ZNF462: variants seen among roughly 807,000 people sequenced by gnomAD.
The protein encoded by ZNF462 is zinc finger protein 462, also known as zinc finger PBX1-interacting protein.
Under a neutral mutation model 201.9 loss-of-function variants are expected in ZNF462, and 10 were observed. The ratio of observed to expected loss-of-function variants is 0.05; its 90% CI spans 0.03 to 0.08. The LOEUF (loss-of-function observed/expected upper bound fraction) is 0.08, where lower values mean the gene tolerates loss of function less well. Ranked by LOEUF, ZNF462 falls within the 10% of genes least tolerant of loss-of-function variation. The pLI is 1.00. For missense variants in ZNF462, 2,523 were observed against 3,168.3 expected, an observed-to-expected ratio of 0.80 and a Z score of 4.89; for synonymous variants, 1,227 against 1,193.3, an observed-to-expected ratio of 1.03 and a Z score of -0.58.
rs1048497661 is a variant in ZNF462, at chr9:107,010,721, A to G, written c.7314-102A>G. ...AAGGAAACCCCAAGGCTTTTTGAGG[A>G]TCAGGAAAATAAAGACACTCGAGGG... On this transcript the variant is annotated intron_variant, in intron 12 of 12. Coordinates refer to ENST00000277225, the MANE Select transcript of ZNF462 (RefSeq NM_021224.6). The surrounding 1 kb of genome is among the most constrained non-coding windows in gnomAD (Gnocchi z 4.6). 8.5e-7 allele frequency: 1 copy of G among 1,175,244 alleles called. No homozygotes were observed. The highest frequency in any genetic ancestry group is 1.2e-6 in the Non-Finnish European group (1 of 860,262). The allele number at this position is 1,175,244 out of a possible 1,614,324, so 72.8% of individuals were successfully genotyped here. A position where few individuals can be genotyped will look rare whatever the true frequency, so the allele number is the denominator to read the frequency against.
chr9:106,980,045 G>T (rs1169027298), intron 9 of ZNF462, among the ~76,000 whole-genome samples: 1 of 152,136 alleles, frequency 6.6e-6, no homozygotes, highest in Non-Finnish European at 1.5e-5. Context: ...CAGTGAGATT[G>T]CCAATCTTTA....
chr9:106,899,989 C>G (rs139091068), intron 1 of ZNF462, among the ~76,000 whole-genome samples: 14 of 138,698 alleles, frequency 1.0e-4, no homozygotes, highest in Non-Finnish European at 2.0e-4. Context: ...TATCTCTTGC[C>G]CCCCTCCCAC....
At chr9:106,941,751 T>A (rs1171242851) in intron 7 of ZNF462, among the ~76,000 whole-genome samples, 1 of 152,228 alleles carries the variant, frequency 6.6e-6, no homozygotes, top group Non-Finnish European at 1.5e-5. Flanking sequence ...TAATAATTGT[T>A]CATTCAGTAA....
intron 1 of ZNF462, among the ~76,000 whole-genome samples, chr9:106,882,584 C>T (rs6477547): frequency 0.42 from 63,968 of 151,976 alleles, 16,237 homozygotes; most frequent in African/African-American, 0.72. Flanking sequence ...ATTTGTTTGT[C>T]GGTAGCTTTT....
intron 1 of ZNF462, among the ~76,000 whole-genome samples, chr9:106,873,889 G>T (rs914416353): frequency 3.1e-4 from 47 of 152,174 alleles, no homozygotes; most frequent in Non-Finnish European, 6.2e-4. Flanking sequence ...CAAGAAACTA[G>T]TGGTGGTTTT....
At position 106,883,282 on chromosome 9, in the gene ZNF462, C is replaced by T. The variant is rs955164431; in HGVS notation, c.-31+19927C>T. Reference sequence around the variant, plus strand: ...ACCTAGTTCTAATGCCATATGCTTCCTGGAACGCATTCTAATATAAAGTAT... The same window carrying T: ...ACCTAGTTCTAATGCCATATGCTTCTTGGAACGCATTCTAATATAAAGTAT... On this transcript the variant is annotated intron_variant, in intron 1 of 12. Coordinates refer to ENST00000277225, the MANE Select transcript of ZNF462 (RefSeq NM_021224.6). This position sits in a 1 kb window ranked among gnomAD's most constrained non-coding sequence, Gnocchi z 4.9. 1.3e-5 allele frequency among the ~76,000 whole-genome samples: 2 copies of T among 152,162 alleles called. No individual in the cohort carries two copies. Among genetic ancestry groups the T allele is most frequent in the Non-Finnish European group, 2.9e-5 (2 of 68,034 alleles).
At position 107,005,551 on chromosome 9, in the gene ZNF462, T is replaced by G. The variant is rs1171963657; in HGVS notation, c.7189+2125T>G. Among the ~76,000 whole-genome samples the G allele has an allele frequency of 6.6e-6, 1 of 152,194 alleles. No homozygotes were observed. Among genetic ancestry groups the G allele is most frequent in the Non-Finnish European group, 1.5e-5 (1 of 68,024 alleles). ...CTCAGATAGATGATTTTCTGTTGAG[T>G]TGCTTGATTTTCTAATACAGCATGG... is the stretch of plus-strand genomic sequence containing the variant. On this transcript the variant is annotated intron_variant, in intron 11 of 12. Transcript: ENST00000277225. This position sits in a 1 kb window ranked among gnomAD's most constrained non-coding sequence, Gnocchi z 4.4.
rs535554425 is a variant in ZNF462 at position 106,978,631 on chromosome 9, A to G, written c.6832+4358A>G. ...CCCTGAACTTCTCTTTCAAGGATGA[A>G]GTCAGTGGTAGGACTTTTGGTAGGT... On this transcript the variant is annotated intron_variant, in intron 9 of 12. Transcript: ENST00000277225. The surrounding 1 kb of genome is among the most constrained non-coding windows in gnomAD (Gnocchi z 4.1). 2.0e-5 allele frequency: 3 copies of G among 152,052 alleles called. No individual in the cohort carries two copies. Among genetic ancestry groups the G allele is most frequent in the African/African-American group, 4.9e-5 (2 of 41,066 alleles). The allele number at this position is 152,052 out of a possible 1,614,324, so 9.4% of individuals were successfully genotyped here.
At position 107,003,850 on chromosome 9, in the gene ZNF462, G is replaced by A. The variant is rs1829367126; in HGVS notation, c.7189+424G>A. On this transcript the variant is annotated intron_variant, in intron 11 of 12. Coordinates refer to ENST00000277225, the MANE Select transcript of ZNF462 (RefSeq NM_021224.6). This position sits in a 1 kb window ranked among gnomAD's most constrained non-coding sequence, Gnocchi z 4.4. The stretch of plus-strand genomic sequence containing the variant: ...CACACTGCTGGAACTGTAGGGGACG[G>A]TGGTGCAAAGAACTTGAGCCCCTAC... 6.6e-6 allele frequency among the ~76,000 whole-genome samples: 1 copy of A among 152,058 alleles called. No individual in the cohort carries two copies. The highest frequency in any genetic ancestry group is 1.5e-5 in the Non-Finnish European group (1 of 68,002).
chr9:106,884,029 C>G (rs1439250213), intron 1 of ZNF462, among the ~76,000 whole-genome samples: 2 of 152,182 alleles, frequency 1.3e-5, no homozygotes, highest in Non-Finnish European at 2.9e-5. Context: ...GGACAGCTCC[C>G]TTTTAAAAAG....
At chr9:106,893,212 C>G (rs1296300626) in intron 1 of ZNF462, among the ~76,000 whole-genome samples, 1 of 152,148 alleles carries the variant, frequency 6.6e-6, no homozygotes, top group Admixed American at 6.5e-5. Context: ...AGCAACTTCC[C>G]CAAAATCATA....
intron 1 of ZNF462, among the ~76,000 whole-genome samples, chr9:106,892,038 T>C (rs914721571): frequency 1.3e-5 from 2 of 152,230 alleles, no homozygotes; most frequent in African/African-American, 4.8e-5. Flanking sequence ...ATCTTTCTTT[T>C]AAATGTATTT....
intron 1 of ZNF462, 71 bp downstream of exon 1, chr9:106,863,426 G>C: frequency 2.6e-6 from 1 of 388,358 alleles, no homozygotes; most frequent in Non-Finnish European, 4.6e-6. Flanking sequence ...CGGGGTGGTG[G>C]AGGCACAAAC....
At chr9:106,878,650 A>C (rs1827946181) in intron 1 of ZNF462, among the ~76,000 whole-genome samples, 1 of 152,078 alleles carries the variant, frequency 6.6e-6, no homozygotes, top group Non-Finnish European at 1.5e-5. Flanking sequence ...TATGATGGAG[A>C]TAGGTGTCCT....
rs1331665366 is a variant in ZNF462, at chr9:106,913,802, A to G, written c.-30-9552A>G. 6.7e-6 allele frequency among the ~76,000 whole-genome samples: 1 copy of G among 150,346 alleles called. No homozygotes were observed. Among genetic ancestry groups the G allele is most frequent in the Non-Finnish European group, 1.5e-5 (1 of 67,368 alleles). ...TTTTTAATAGAGAAGAGGTTTTACC[A>G]TGTTGGCTAGGCTGGTCTCGAACTC... On this transcript the variant is annotated intron_variant, in intron 1 of 12. Transcript: ENST00000277225. This position sits in a 1 kb window ranked among gnomAD's most constrained non-coding sequence, Gnocchi z 4.1.
At position 106,970,916 on chromosome 9, in the gene ZNF462, G is replaced by A. The variant is rs1427616409; in HGVS notation, c.6428-1089G>A. On this transcript the variant is annotated intron_variant, in intron 7 of 12. Coordinates refer to ENST00000277225, the MANE Select transcript of ZNF462 (RefSeq NM_021224.6). The surrounding 1 kb of genome is among the most constrained non-coding windows in gnomAD (Gnocchi z 4.2). Reference sequence around the variant, plus strand: ...TCAGATTTCTCCACCGCATGCCATTGAAGCTTCTCGGGGTTAAGATTTGTG... The same window carrying A: ...TCAGATTTCTCCACCGCATGCCATTAAAGCTTCTCGGGGTTAAGATTTGTG... Among the ~76,000 whole-genome samples the A allele has an allele frequency of 6.6e-6, 1 of 150,904 alleles. No homozygotes were observed. The highest frequency in any genetic ancestry group is 1.5e-5 in the Non-Finnish European group (1 of 67,838).
chr9:106,864,039 GCTCT>G lies in ZNF462; in HGVS notation c.-31+752_-31+755del, dbSNP rs773917122. 3.8e-3 allele frequency among the ~76,000 whole-genome samples: 87 copies of G among 22,738 alleles called. 3 individuals carry two copies. The highest frequency in any genetic ancestry group is 4.7e-3 in the Admixed American group (8 of 1,712). The allele number at this position is 22,738 out of a possible 152,430, so 14.9% of individuals were successfully genotyped here. ...AGCCCCCCTCTTCCTCAGGTATTTG[GCTCT>G]CTCTCTCTCTCTCTCTCTCTCTCTC... is the stretch of plus-strand genomic sequence containing the variant. On this transcript the variant is annotated intron_variant, in intron 1 of 12. Coordinates refer to ENST00000277225, the MANE Select transcript of ZNF462 (RefSeq NM_021224.6).
At chr9:106,873,078 GTTA>G (rs1295851449) in intron 1 of ZNF462, among the ~76,000 whole-genome samples, 1 of 152,108 alleles carries the variant, frequency 6.6e-6, no homozygotes, top group East Asian at 1.9e-4. Context: ...CCCGGCCTTG[GTTA>G]TTACTTAGTC....
In ZNF462 at chr9:106,970,908, A is replaced by G. The variant is rs886325694; in HGVS notation, c.6428-1097A>G. Among the ~76,000 whole-genome samples the G allele has an allele frequency of 6.6e-6, 1 of 151,056 alleles. No homozygotes were observed. Among genetic ancestry groups the G allele is most frequent in the African/African-American group, 2.4e-5 (1 of 41,018 alleles). On this transcript the variant is annotated intron_variant, in intron 7 of 12. Coordinates refer to ENST00000277225, the MANE Select transcript of ZNF462 (RefSeq NM_021224.6). This position sits in a 1 kb window ranked among gnomAD's most constrained non-coding sequence, Gnocchi z 4.2. ...CTCCTAGATCAGATTTCTCCACCGC[A>G]TGCCATTGAAGCTTCTCGGGGTTAA... is the stretch of plus-strand genomic sequence containing the variant.
Sources: gnomAD v4.1 joint callset for allele counts (sites outside exome capture counted in the v4.1 genomes callset) on GRCh38, gnomAD v4.1.1 for gene constraint, Gnocchi (gnomAD v3.1) non-coding constraint, MANE v1.5 for transcripts, NCBI Gene and HGNC (gene_info 2026-07-23, HGNC 2026-07-21) for gene names.